Variants in AJM1 observed in about 807,000 individuals in gnomAD.
AJM1 encodes apical junction component 1 homolog.
Under a neutral mutation model 43.0 loss-of-function variants are expected in AJM1, and 22 were observed. The observed-to-expected ratio is 0.51, with a 90% confidence interval of 0.37 to 0.73. AJM1 has a LOEUF of 0.73. AJM1 is among the 30% of genes least tolerant of loss of function. AJM1 has a pLI of 0.00. For missense variants in AJM1, 1,305 were observed against 1,343.3 expected, an observed-to-expected ratio of 0.97 and a Z score of 0.45; for synonymous variants, 719 against 638.3, an observed-to-expected ratio of 1.13 and a Z score of -1.91.
At chr9:136,843,841 C>T (rs1339295575) in intron 1 of AJM1, among the ~76,000 whole-genome samples, 1 of 152,172 alleles carries the variant, frequency 6.6e-6, no homozygotes, top group Non-Finnish European at 1.5e-5. Context: ...CCACTGTGCG[C>T]GATCGGAGGG....
rs763040813 is a variant in AJM1, at chr9:136,846,762, G to A, written c.2348G>A (p.Arg783His). 1 of 1,598,426 alleles carries A rather than the reference G, an allele frequency of 6.3e-7. No individual in the cohort carries two copies. The highest frequency in any genetic ancestry group is 8.5e-7 in the Non-Finnish European group (1 of 1,176,642). ...LLLSPTYLSL[R>H]ELATHAAPLG... ...CTATCCCCCACCTACCTATCGCTGC[G>A]TGAGCTGGCCACACACGCGGCGCCC... The change falls in exon 3 of 3, where the codon CGT becomes CAT. Residue 783 changes from arginine to histidine, a missense_variant. Arg to His is a conservative substitution (Grantham distance 29). This residue lies in a region of AJM1 where 391 missense variants were observed against 507.5 expected (regional missense o/e 0.77). Coordinates refer to ENST00000436881, the MANE Select transcript of AJM1 (RefSeq NM_001080482.5).
Position 136,847,416 on chromosome 9 carries a change from G to GCCCACCCAGGGCCGC in AJM1, c.*75_*89dup. 2 of 1,284,598 alleles carry GCCCACCCAGGGCCGC rather than the reference G, an allele frequency of 1.6e-6. No individual in the cohort carries two copies. Among genetic ancestry groups the GCCCACCCAGGGCCGC allele is most frequent in the Non-Finnish European group, 2.0e-6 (2 of 984,946 alleles). 79.6% of individuals were successfully genotyped at this position (1,284,598 alleles called of 1,614,324 possible). ...GCCCTGCCCACTCAGGCCCCGCCCGGCCCACCCAGGGCCGCCCCCGAGCCC... is the reference window on the plus strand; with the variant it reads ...GCCCTGCCCACTCAGGCCCCGCCCGGCCCACCCAGGGCCGCCCCACCCAGGGCCGCCCCCGAGCCC... On this transcript the variant is annotated 3_prime_UTR_variant, in exon 3 of 3. Transcript: ENST00000436881.
chr9:136,846,298 G>T lies in AJM1; in HGVS notation c.1884G>T (p.Pro628=). The T allele has an allele frequency of 8.6e-7, 1 of 1,167,410 alleles. No individual in the cohort carries two copies. The highest frequency in any genetic ancestry group is 1.1e-6 in the Non-Finnish European group (1 of 931,098). The allele number at this position is 1,167,410 out of a possible 1,614,324, so 72.3% of individuals were successfully genotyped here. A position where few individuals can be genotyped will look rare whatever the true frequency, so the allele number is the denominator to read the frequency against. ...PAGSGAPALA[P]PRSPPASAGS... ...GCTCCGGGGCCCCCGCGCTGGCGCC[G>T]CCACGCTCGCCCCCCGCCTCGGCCG... Residue 628 remains proline, a synonymous_variant, in exon 3 of 3, where the codon CCG becomes CCT. Coordinates refer to ENST00000436881, the MANE Select transcript of AJM1 (RefSeq NM_001080482.5).
intron 1 of AJM1, among the ~76,000 whole-genome samples, chr9:136,843,398 G>T (rs954910641): frequency 6.6e-6 from 1 of 152,228 alleles, no homozygotes; most frequent in Non-Finnish European, 1.5e-5. Context: ...AAATGGGGAG[G>T]GCCCTCTCCT....
Position 136,847,096 on chromosome 9 carries a change from G to A in AJM1, c.2682G>A (p.Ala894=). ...AGGACGGCGAGGCGGGCCGGCGCGC[G>A]CGCGAGGTGGCCTTCATCCACATCC... ...LDQDGEAGRR[A]REVAFIHIQR... is the part of the protein sequence containing the mutation. Residue 894 remains alanine (A), a synonymous_variant, in exon 3 of 3, where the codon GCG becomes GCA. Coordinates refer to ENST00000436881, the MANE Select transcript of AJM1 (RefSeq NM_001080482.5). 1 of 1,516,010 alleles carries A rather than the reference G, an allele frequency of 6.6e-7. No individual in the cohort carries two copies. The highest frequency in any genetic ancestry group is 8.8e-7 in the Non-Finnish European group (1 of 1,133,970). 93.9% of individuals were successfully genotyped at this position (1,516,010 alleles called of 1,614,324 possible).
chr9:136,844,608 A>T lies in AJM1; in HGVS notation c.194A>T (p.Glu65Val). Residue 65 changes from glutamate (E) to valine (V), a missense_variant, in exon 3 of 3, where the codon GAG becomes GTG. Coordinates refer to ENST00000436881, the MANE Select transcript of AJM1 (RefSeq NM_001080482.5). ...FLEALDGPAM[E>V]TLPEPPPPES... The stretch of plus-strand genomic sequence containing the variant: ...GAGGCGCTGGACGGGCCGGCCATGG[A>T]GACCCTGCCGGAGCCACCGCCGCCG... 1 of 1,572,530 alleles carries T rather than the reference A, an allele frequency of 6.4e-7. No homozygotes were observed. Among genetic ancestry groups the T allele is most frequent in the South Asian group, 1.2e-5 (1 of 86,656 alleles).
chr9:136,842,750 C>T (rs541905329), intron 1 of AJM1, among the ~76,000 whole-genome samples, 161 bp downstream of exon 1: 13 of 152,250 alleles, frequency 8.5e-5, no homozygotes, highest in African/African-American at 2.6e-4. Flanking sequence ...CAAGGCAGGG[C>T]TGGGAGGTGG....
Position 136,847,387 on chromosome 9 carries a change from C to A in AJM1, c.*42C>A. The stretch of plus-strand genomic sequence containing the variant: ...GGCCTAGCCCAGGCGCTGGCCCGAA[C>A]CCTGCCCTGCCCACTCAGGCCCCGC... On this transcript the variant is annotated 3_prime_UTR_variant, in exon 3 of 3. Coordinates refer to ENST00000436881, the MANE Select transcript of AJM1 (RefSeq NM_001080482.5). 1 of 1,389,678 alleles carries A rather than the reference C, an allele frequency of 7.2e-7. No homozygotes were observed. The allele number at this position is 1,389,678 out of a possible 1,614,324, so 86.1% of individuals were successfully genotyped here.
In AJM1 at chr9:136,847,006, G is replaced by A; in HGVS notation, c.2592G>A (p.Arg864=). The change falls in exon 3 of 3, where the codon CGG becomes CGA. Residue 864 remains arginine (R), a synonymous_variant. Coordinates refer to ENST00000436881, the MANE Select transcript of AJM1 (RefSeq NM_001080482.5). Reference sequence around the variant, plus strand: ...GCCCCGCGCGGCCGCCCCCGGCGCGGAGCCGCGAGCCCGACATGGAGACGC... The same window carrying A: ...GCCCCGCGCGGCCGCCCCCGGCGCGAAGCCGCGAGCCCGACATGGAGACGC... The part of the protein sequence containing the change: ...AGSPARPPPA[R]SREPDMETLI... The A allele has an allele frequency of 8.1e-7, 1 of 1,235,512 alleles. No homozygotes were observed. The highest frequency in any genetic ancestry group is 1.1e-6 in the Non-Finnish European group (1 of 935,790). 76.5% of individuals were successfully genotyped at this position (1,235,512 alleles called of 1,614,324 possible).
At position 136,846,307 on chromosome 9, in the gene AJM1, GC is replaced by G; in HGVS notation, c.1899del (p.Ala634ProfsTer29). On this transcript the variant is annotated frameshift_variant, in exon 3 of 3. Transcript: ENST00000436881. LOFTEE classifies it high-confidence loss of function. ...GAPALAPPRS[P>X]PASAGSAEEP... Reference sequence around the variant, plus strand: ...CCCCCGCGCTGGCGCCGCCACGCTCGCCCCCCGCCTCGGCCGGCAGCGCCGA... The same window carrying G: ...CCCCCGCGCTGGCGCCGCCACGCTCGCCCCCGCCTCGGCCGGCAGCGCCGA... 1 of 1,164,542 alleles carries G rather than the reference GC, an allele frequency of 8.6e-7. No individual in the cohort carries two copies. Among genetic ancestry groups the G allele is most frequent in the Non-Finnish European group, 1.1e-6 (1 of 928,726 alleles). 72.1% of individuals were successfully genotyped at this position (1,164,542 alleles called of 1,614,324 possible). A position where few individuals can be genotyped will look rare whatever the true frequency, so the allele number is the denominator to read the frequency against.
At chr9:136,844,300 G>T in intron 2 of AJM1, 21 bp downstream of exon 2, 1 of 843,038 alleles carries the variant, frequency 1.2e-6, no homozygotes, top group East Asian at 2.7e-5. Context: ...CCAGCGTGGG[G>T]GAGTAGCGGG....
Position 136,846,032 on chromosome 9 carries a change from C to T in AJM1, c.1618C>T (p.Leu540=). ...TPEITITDND[L]RATERPSARA... The stretch of plus-strand genomic sequence containing the variant: ...CGAGATCACCATCACTGACAATGAC[C>T]TGCGCGCCACCGAGCGCCCGAGCGC... The change falls in exon 3 of 3, where the codon CTG becomes TTG. Residue 540 remains leucine (L), a synonymous_variant. Coordinates refer to ENST00000436881, the MANE Select transcript of AJM1 (RefSeq NM_001080482.5). 1.3e-6 allele frequency: 2 copies of T among 1,544,864 alleles called. No homozygotes were observed. The highest frequency in any genetic ancestry group is 1.7e-6 in the Non-Finnish European group (2 of 1,146,562).
Position 136,846,394 on chromosome 9 carries a change from C to CGACCTGAT in AJM1, c.1987_1994dup (p.Cys665Ter). 1 of 1,543,740 alleles carries CGACCTGAT rather than the reference C, an allele frequency of 6.5e-7. No homozygotes were observed. Among genetic ancestry groups the CGACCTGAT allele is most frequent in the Non-Finnish European group, 8.7e-7 (1 of 1,149,306 alleles). On this transcript the variant is annotated frameshift_variant, in exon 3 of 3. Coordinates refer to ENST00000436881, the MANE Select transcript of AJM1 (RefSeq NM_001080482.5). LOFTEE classifies it high-confidence loss of function. Reference sequence around the variant, plus strand: ...CCCCCGAACCCAGCGCCGACGAGGACGACCTGATGACCTGCTCCAATGCGC... The same window carrying CGACCTGAT: ...CCCCCGAACCCAGCGCCGACGAGGACGACCTGATGACCTGATGACCTGCTCCAATGCGC...
Position 136,846,458 on chromosome 9 carries a change from T to C in AJM1, c.2044T>C (p.Tyr682His), listed in dbSNP as rs1848776499. The part of the protein sequence containing the change: ...RTETMFNACL[Y>H]FKSCHSCYTY... ...CGAGACCATGTTCAACGCCTGCCTC[T>C]ACTTCAAGTCCTGCCACAGCTGCTA... Residue 682 changes from tyrosine to histidine, a missense_variant, in exon 3 of 3, where the codon TAC becomes CAC. Tyr to His is a moderately conservative substitution (Grantham distance 83). Transcript: ENST00000436881. 1 of 1,593,646 alleles carries C rather than the reference T, an allele frequency of 6.3e-7. No individual in the cohort carries two copies. The highest frequency in any genetic ancestry group is 1.1e-5 in the South Asian group (1 of 90,658).
chr9:136,842,573 G>T lies in AJM1; in HGVS notation c.-160G>T, dbSNP rs534905878. Among the ~76,000 whole-genome samples the T allele has an allele frequency of 6.6e-6, 1 of 152,266 alleles. No individual in the cohort carries two copies. On this transcript the variant is annotated 5_prime_UTR_variant, in exon 1 of 3. Coordinates refer to ENST00000436881, the MANE Select transcript of AJM1 (RefSeq NM_001080482.5). ...GGGTGGCACAGCCCACCGGGGCACA[G>T]CCAGAGCAGCACCCAGGTAAGGGGC...
chr9:136,843,239 T>C (rs1232077782), intron 1 of AJM1, among the ~76,000 whole-genome samples: 1 of 152,152 alleles, frequency 6.6e-6, no homozygotes, highest in East Asian at 1.9e-4. Context: ...AGGTGTTGGG[T>C]GTGCAGAGGC....
rs1848799756 is a variant in AJM1, at chr9:136,847,655, C to T, written c.*310C>T. On this transcript the variant is annotated 3_prime_UTR_variant, in exon 3 of 3. Coordinates refer to ENST00000436881, the MANE Select transcript of AJM1 (RefSeq NM_001080482.5). Reference sequence around the variant, plus strand: ...TCTCCCAGCTCGCCCTCGAGGATCCCCAGAAGAAGTCGGTCCTCGCCCTCG... The same window carrying T: ...TCTCCCAGCTCGCCCTCGAGGATCCTCAGAAGAAGTCGGTCCTCGCCCTCG... The T allele has an allele frequency of 5.5e-6, 2 of 362,114 alleles. No homozygotes were observed. Among genetic ancestry groups the T allele is most frequent in the Non-Finnish European group, 9.9e-6 (2 of 201,170 alleles). The allele number at this position is 362,114 out of a possible 1,614,324, so 22.4% of individuals were successfully genotyped here.
At chr9:136,843,985 C>T (rs1237711764) in intron 1 of AJM1, among the ~76,000 whole-genome samples, 1 of 152,208 alleles carries the variant, frequency 6.6e-6, no homozygotes, top group Admixed American at 6.5e-5. Context: ...GGACCACGCC[C>T]CCACTCCCCT....
chr9:136,844,317 G>C, intron 2 of AJM1, 38 bp downstream of exon 2: 1 of 1,002,336 alleles, frequency 1.0e-6, no homozygotes, highest in South Asian at 1.4e-5. Context: ...CGGGGCCTGG[G>C]CTGCGGAGGG....
Sources: allele counts gnomAD v4.1 joint callset (sites outside exome capture counted in the v4.1 genomes callset), GRCh38; gene constraint gnomAD v4.1.1; regional missense constraint gnomAD v4.1.1; transcripts MANE v1.5; gene names NCBI Gene and HGNC (gene_info 2026-07-23, HGNC 2026-07-21).